KAZN: variants seen among roughly 807,000 people sequenced by gnomAD.
KAZN encodes the protein kazrin.
KAZN carries 40 observed loss-of-function variants against 87.4 expected under a neutral mutation model. The observed-to-expected ratio is 0.46, with a 90% CI of 0.36 to 0.60. The LOEUF (loss-of-function observed/expected upper bound fraction) is 0.60. Ranked by LOEUF, KAZN falls within the 20% of genes least tolerant of loss-of-function variation. KAZN has a pLI of 0.00. For synonymous variants in KAZN, 466 were observed against 458.3 expected (o/e 1.02, Z -0.22); for missense variants, 898 against 1,073.9 (o/e 0.84, Z 2.29).
rs191100677 is a variant in KAZN at position 14,799,669 on chromosome 1, A to G, written c.227-161015A>G. Among the ~76,000 whole-genome samples the G allele has an allele frequency of 1.2e-3, 179 of 152,346 alleles. 1 individual carries two copies. Among genetic ancestry groups the G allele is most frequent in the African/African-American group, 4.1e-3 (171 of 41,588 alleles). ...TTAATCAGATCTGGTCGATGTCAAG[A>G]AAACAAAATTCCTCGTGCGATGGTG... On this transcript the variant is annotated intron_variant, in intron 1 of 14. Transcript: ENST00000376030.
At chr1:14,182,986 C>T (rs1206933178) in intron 2 of KAZN, among the ~76,000 whole-genome samples, 1 of 152,114 alleles carries the variant, frequency 6.6e-6, no homozygotes, top group African/African-American at 2.4e-5. Flanking sequence ...TATAATAGCC[C>T]TCTCAGTTCC....
At chr1:14,159,367 G>A (rs1485612984) in intron 1 of KAZN, among the ~76,000 whole-genome samples, 2 of 152,138 alleles carry the variant, frequency 1.3e-5, no homozygotes, top group African/African-American at 4.8e-5. Context: ...GGGCAGAAGA[G>A]CCTTATTCTG....
intron 2 of KAZN, among the ~76,000 whole-genome samples, chr1:14,517,789 G>C (rs1045685742): frequency 6.6e-6 from 1 of 152,198 alleles, no homozygotes; most frequent in Non-Finnish European, 1.5e-5. Context: ...CAGCTGCCAA[G>C]AGGAACATCA....
intron 2 of KAZN, among the ~76,000 whole-genome samples, chr1:14,539,582 T>C (rs762474865): frequency 2.0e-5 from 3 of 152,194 alleles, no homozygotes; most frequent in Non-Finnish European, 4.4e-5. Flanking sequence ...AAGAGAATGA[T>C]TGAATATCAA....
intron 1 of KAZN, among the ~76,000 whole-genome samples, chr1:13,984,833 C>T (rs1426130774): frequency 6.6e-6 from 1 of 152,052 alleles, no homozygotes; most frequent in Non-Finnish European, 1.5e-5. Flanking sequence ...TACAATTCAC[C>T]CACTTAAAGT....
chr1:14,018,850 C>T (rs1640691630), intron 1 of KAZN, among the ~76,000 whole-genome samples: 1 of 152,204 alleles, frequency 6.6e-6, no homozygotes, highest in Admixed American at 6.5e-5. Flanking sequence ...ACACCATTAG[C>T]TTCCCTGGCT....
chr1:15,095,016 C>T (rs1310891253), intron 10 of KAZN, 83 bp downstream of exon 10: 3 of 938,360 alleles, frequency 3.2e-6, no homozygotes, highest in Non-Finnish European at 4.9e-6. Context: ...GTGAGCGGGG[C>T]ACTGTGGGCT....
intron 1 of KAZN, among the ~76,000 whole-genome samples, chr1:13,950,514 C>T (rs1390450155): frequency 6.6e-6 from 1 of 152,206 alleles, no homozygotes; most frequent in Admixed American, 6.5e-5. Flanking sequence ...TCTGAGTTAT[C>T]TACTTGCTTG....
chr1:15,112,320 T>G, intron 13 of KAZN, 107 bp from the exon 14 acceptor site: 1 of 723,710 alleles, frequency 1.4e-6, no homozygotes. Context: ...GCTGTGGTCA[T>G]TGTCACCAAT....
intron 1 of KAZN, among the ~76,000 whole-genome samples, chr1:14,125,605 T>G (rs1317825300): frequency 6.6e-6 from 1 of 152,116 alleles, no homozygotes; most frequent in African/African-American, 2.4e-5. Context: ...CAAGGGACTA[T>G]GGTTCCCTGG....
chr1:14,577,632 A>C (rs1476236695), intron 2 of KAZN, among the ~76,000 whole-genome samples: 2 of 152,164 alleles, frequency 1.3e-5, no homozygotes. Context: ...ATCACAGGCC[A>C]CTGGTTCTTT....
chr1:15,104,322 G>C, intron 13 of KAZN, 133 bp downstream of exon 13: 1 of 946,964 alleles, frequency 1.1e-6, no homozygotes, highest in Non-Finnish European at 1.5e-6. Flanking sequence ...CACCATGGTG[G>C]TCACCTTTTA....
intron 1 of KAZN, among the ~76,000 whole-genome samples, chr1:14,177,259 T>C (rs115097768): frequency 1.3e-3 from 196 of 152,336 alleles, no homozygotes; most frequent in African/African-American, 4.2e-3. Flanking sequence ...CAGGATATTA[T>C]TATTGTTGTT....
chr1:14,175,119 T>C (rs1646042901), intron 1 of KAZN, among the ~76,000 whole-genome samples: 1 of 152,188 alleles, frequency 6.6e-6, no homozygotes, highest in South Asian at 2.1e-4. Context: ...CGTTTTTGTT[T>C]TTGAAATGGA....
At chr1:13,975,451 G>A (rs1638301915) in intron 1 of KAZN, among the ~76,000 whole-genome samples, 1 of 152,186 alleles carries the variant, frequency 6.6e-6, no homozygotes, top group Non-Finnish European at 1.5e-5. Flanking sequence ...TCTGCACTTA[G>A]AACCATGTGT....
intron 1 of KAZN, among the ~76,000 whole-genome samples, chr1:13,900,021 G>A (rs1258959933): frequency 6.6e-6 from 1 of 152,106 alleles, no homozygotes; most frequent in Non-Finnish European, 1.5e-5. Context: ...CATATCATTA[G>A]TCATTTTATG....
chr1:14,419,733 A>G (rs1314585712), intron 2 of KAZN, among the ~76,000 whole-genome samples: 1 of 151,842 alleles, frequency 6.6e-6, no homozygotes, highest in Non-Finnish European at 1.5e-5. Flanking sequence ...CTCCGCGGTG[A>G]GCGTTAGGAC....
chr1:14,778,442 G>C (rs1645241692), intron 1 of KAZN, among the ~76,000 whole-genome samples: 1 of 152,014 alleles, frequency 6.6e-6, no homozygotes, highest in Admixed American at 6.6e-5. Flanking sequence ...TAGAGAGGAA[G>C]GGGACATCAT....
At chr1:13,956,251 C>T (rs1471420955) in intron 1 of KAZN, among the ~76,000 whole-genome samples, 1 of 151,656 alleles carries the variant, frequency 6.6e-6, no homozygotes, top group Non-Finnish European at 1.5e-5. Context: ...GAATGTCAAC[C>T]TGCAATAATT....
Sources: gnomAD v4.1 joint callset for allele counts (sites outside exome capture counted in the v4.1 genomes callset) on GRCh38, gnomAD v4.1.1 for gene constraint, MANE v1.5 for transcripts, NCBI Gene and HGNC (gene_info 2026-07-23, HGNC 2026-07-21) for gene names.